Variants in DPP10 observed in about 807,000 individuals in gnomAD.
DPP10 encodes the protein inactive dipeptidyl peptidase 10.
In DPP10, 33 loss-of-function variants were observed where a neutral mutation model predicts 120.9. The ratio of observed to expected loss-of-function variants is 0.27; its 90% CI spans 0.21 to 0.37. The LOEUF (loss-of-function observed/expected upper bound fraction) is 0.37, where lower values mean the gene tolerates loss of function less well. Among genes scored for constraint, DPP10 ranks in the 10% least tolerant of loss-of-function variants. DPP10 has a pLI of 1.00. For missense variants in DPP10, 816 were observed against 942.8 expected (o/e 0.87, Z 1.76); for synonymous variants, 337 against 326.1 (o/e 1.03, Z -0.36).
intron 5 of DPP10, among the ~76,000 whole-genome samples, chr2:115,676,487 A>C (rs1426929896): frequency 6.6e-6 from 1 of 152,208 alleles, no homozygotes; most frequent in Non-Finnish European, 1.5e-5. Flanking sequence ...GAAATTCAAT[A>C]AAAAGATAGC....
intron 1 of DPP10, among the ~76,000 whole-genome samples, chr2:115,236,227 T>G (rs1037953493): frequency 2.0e-5 from 3 of 152,204 alleles, no homozygotes; most frequent in Non-Finnish European, 4.4e-5. Context: ...ACAGATAAAA[T>G]TTTTTTAAAA....
At position 115,753,216 on chromosome 2, in the gene DPP10, G is replaced by A. The variant is rs932845783; in HGVS notation, c.993G>A (p.Lys331=). The change falls in exon 11 of 26, where the codon AAG becomes AAA. Residue 331 remains lysine (K), a synonymous_variant. Transcript: ENST00000410059. The part of the protein sequence containing the change: ...ITMVKWVSNT[K]TVVRWLNRAQ... Reference sequence around the variant, plus strand: ...TGGTTAAATGGGTAAGCAATACCAAGACTGTGGTAAGATGGTTAAACCGAG... The same window carrying A: ...TGGTTAAATGGGTAAGCAATACCAAAACTGTGGTAAGATGGTTAAACCGAG... 9.9e-6 allele frequency: 16 copies of A among 1,611,888 alleles called. No individual in the cohort carries two copies. The highest frequency in any genetic ancestry group is 1.3e-5 in the Non-Finnish European group (15 of 1,178,664).
intron 1 of DPP10, among the ~76,000 whole-genome samples, chr2:114,905,743 T>G (rs115829503): frequency 0.013 from 2,020 of 152,310 alleles, 25 homozygotes; most frequent in Non-Finnish European, 0.021. Context: ...AAACAGGGTC[T>G]CATTATATTG....
At chr2:114,916,301 C>A (rs1057411940) in intron 1 of DPP10, among the ~76,000 whole-genome samples, 1 of 151,994 alleles carries the variant, frequency 6.6e-6, no homozygotes, top group African/African-American at 2.4e-5. Flanking sequence ...CTGAACAGAC[C>A]AAGAATGAGC....
Position 114,916,111 on chromosome 2 carries a change from C to T in DPP10, c.61-393128C>T, listed in dbSNP as rs367685941. ...TAATAAAGAAAAAAGAGAGAAAATT[C>T]AAATAAATGCAATCAGACATGACAA... On this transcript the variant is annotated intron_variant, in intron 1 of 25. Transcript: ENST00000410059. Among the ~76,000 whole-genome samples, 21 of 152,124 alleles carry T rather than the reference C, an allele frequency of 1.4e-4. No homozygotes were observed. The East Asian group carries it at 3.3e-3, about 24-fold the overall frequency.
chr2:115,449,674 G>A (rs758232485), intron 3 of DPP10, among the ~76,000 whole-genome samples: 6 of 152,024 alleles, frequency 3.9e-5, no homozygotes, highest in Non-Finnish European at 7.4e-5. Context: ...GCTTGACGGA[G>A]ACTTTGATTG....
rs1189697658 is a variant in DPP10, at chr2:114,950,833, T to G, written c.61-358406T>G. ...ATAAATGATATGGAAAAACAATATA[T>G]GACAATGAGGCAGATAAGTGTTCAT... On this transcript the variant is annotated intron_variant, in intron 1 of 25. Transcript: ENST00000410059. Among the ~76,000 whole-genome samples, 5 of 152,186 alleles carry G rather than the reference T, an allele frequency of 3.3e-5. No homozygotes were observed. In the East Asian group the frequency reaches 9.6e-4, roughly 29 times the overall value.
intron 5 of DPP10, among the ~76,000 whole-genome samples, chr2:115,527,211 A>G (rs894969327): frequency 2.0e-5 from 3 of 152,110 alleles, no homozygotes; most frequent in Non-Finnish European, 4.4e-5. Flanking sequence ...GAACCCAGAA[A>G]TAGACCCTCA....
intron 3 of DPP10, among the ~76,000 whole-genome samples, chr2:115,348,395 G>T (rs2063816621): frequency 6.6e-6 from 1 of 152,004 alleles, no homozygotes. Flanking sequence ...ATTGTCTATT[G>T]TGTAACAGTG....
intron 1 of DPP10, among the ~76,000 whole-genome samples, chr2:114,607,427 G>A (rs1692908486): frequency 6.6e-6 from 1 of 152,154 alleles, no homozygotes; most frequent in Admixed American, 6.6e-5. Flanking sequence ...TAAGTATGAA[G>A]TATGACTGCC....
intron 1 of DPP10, among the ~76,000 whole-genome samples, chr2:114,477,770 TATAC>T (rs1317797035): frequency 4.0e-5 from 6 of 150,214 alleles, no homozygotes; most frequent in Non-Finnish European, 7.4e-5. Context: ...TGGGTATATT[TATAC>T]ATACATATGT....
intron 1 of DPP10, among the ~76,000 whole-genome samples, chr2:114,899,323 G>A (rs1203887081): frequency 2.0e-5 from 3 of 151,502 alleles, no homozygotes; most frequent in Admixed American, 6.6e-5. Context: ...AGACAACCAC[G>A]AAAAAAATGC....
intron 7 of DPP10, among the ~76,000 whole-genome samples, chr2:115,697,581 A>AATAT (rs34075750): frequency 0.013 from 1,967 of 149,172 alleles, 33 homozygotes; most frequent in African/African-American, 0.043. Context: ...AATTGAAGGG[A>AATAT]ATATATATAT....
At chr2:115,196,213 C>G (rs2055254909) in intron 1 of DPP10, among the ~76,000 whole-genome samples, 1 of 152,140 alleles carries the variant, frequency 6.6e-6, no homozygotes, top group Admixed American at 6.5e-5. Context: ...AGAAGAATTG[C>G]AGCTGCTGCA....
At chr2:115,786,150 T>C (rs1248855683) in intron 17 of DPP10, among the ~76,000 whole-genome samples, 1 of 152,164 alleles carries the variant, frequency 6.6e-6, no homozygotes, top group Non-Finnish European at 1.5e-5. Context: ...AATTACATGC[T>C]TATAACAGTC....
intron 7 of DPP10, among the ~76,000 whole-genome samples, chr2:115,724,872 A>G (rs2092728799): frequency 6.6e-6 from 1 of 152,172 alleles, no homozygotes; most frequent in Non-Finnish European, 1.5e-5. Flanking sequence ...ACATGGCTAG[A>G]GAAGCAGTAA....
intron 1 of DPP10, among the ~76,000 whole-genome samples, chr2:115,073,030 A>G (rs7593027): frequency 0.98 from 148,826 of 152,296 alleles, 72,820 homozygotes; most frequent in Middle Eastern, 1. Context: ...TGATCCACCC[A>G]CTTCAGCCTC....
intron 1 of DPP10, among the ~76,000 whole-genome samples, chr2:114,698,953 C>T (rs77265795): frequency 0.033 from 5,013 of 152,176 alleles, 127 homozygotes; most frequent in Middle Eastern, 0.065. Context: ...TGAGTGCTTT[C>T]GTGATGTGTT....
At chr2:114,811,512 C>T (rs1685167702) in intron 1 of DPP10, among the ~76,000 whole-genome samples, 1 of 152,024 alleles carries the variant, frequency 6.6e-6, no homozygotes, top group African/African-American at 2.4e-5. Context: ...CCCTCTCCAC[C>T]ACCATCCGTT....
Sources: allele counts gnomAD v4.1 joint callset (sites outside exome capture counted in the v4.1 genomes callset), GRCh38; gene constraint gnomAD v4.1.1; transcripts MANE v1.5; gene names NCBI Gene and HGNC (gene_info 2026-07-23, HGNC 2026-07-21).